The following KLHL22 variants were observed in gnomAD, a reference collection of about 807,000 sequenced individuals.
KLHL22 encodes the protein kelch-like protein 22.
In KLHL22, 18 loss-of-function variants were observed where a neutral mutation model predicts 60.7. The ratio of observed to expected loss-of-function variants is 0.30; its 90% CI spans 0.20 to 0.44. The LOEUF (loss-of-function observed/expected upper bound fraction) is 0.44, where lower values mean the gene tolerates loss of function less well. KLHL22 is among the 20% of genes least tolerant of loss of function. KLHL22 has a pLI of 1.00. For missense variants in KLHL22, 596 were observed against 852.3 expected (o/e 0.70, Z 3.74); for synonymous variants, 355 against 354.5 (o/e 1.00, Z -0.01).
At chr22:20,494,337 C>CA (rs1295140207) in intron 1 of KLHL22, among the ~76,000 whole-genome samples, 2 of 152,156 alleles carry the variant, frequency 1.3e-5, no homozygotes, top group East Asian at 3.8e-4. Context: ...TCAGCTTCCT[C>CA]AGAAGCTGGA....
intron 2 of KLHL22, 156 bp downstream of exon 2, chr22:20,488,829 T>A: frequency 1.5e-6 from 1 of 669,118 alleles, no homozygotes; most frequent in Non-Finnish European, 2.5e-6. Flanking sequence ...AAGACCCCCT[T>A]CTGTCTCTCA....
rs11463939 is a variant in KLHL22, at chr22:20,447,544, CT to C, written c.1306-869del. On this transcript the variant is annotated intron_variant, in intron 5 of 6. Transcript: ENST00000328879. ...CCAGTAGGGGTCTGGGGAGGTTTTT[CT>C]TTTTTTTTTTTTTTTTGAGACGGAG... Among the ~76,000 whole-genome samples the C allele has an allele frequency of 1.8e-3, 246 of 135,430 alleles. 2 individuals carry two copies. The East Asian group carries it at 0.022, about 12-fold the overall frequency. The allele number at this position is 135,430 out of a possible 152,430, so 88.8% of individuals were successfully genotyped here. A position where few individuals can be genotyped will look rare whatever the true frequency, so the allele number is the denominator to read the frequency against.
chr22:20,457,790 C>T lies in KLHL22; in HGVS notation c.1305+18G>A, dbSNP rs750750761. The T allele has an allele frequency of 4.5e-6, 7 of 1,567,428 alleles. No individual in the cohort carries two copies. The South Asian group carries it at 4.6e-5, about 10-fold the overall frequency. ...GGAAATTAGGCAGGAGAAGGCCCCTCTTCGAGGGCTTCCTTACCTCCCTCT... is the reference window on the plus strand; with the variant it reads ...GGAAATTAGGCAGGAGAAGGCCCCTTTTCGAGGGCTTCCTTACCTCCCTCT... On this transcript the variant is annotated intron_variant, in intron 5 of 6. Coordinates refer to ENST00000328879, the MANE Select transcript of KLHL22 (RefSeq NM_032775.4).
At chr22:20,490,709 G>A (rs569817323) in intron 1 of KLHL22, among the ~76,000 whole-genome samples, 29 of 152,232 alleles carry the variant, frequency 1.9e-4, no homozygotes, top group African/African-American at 6.3e-4. Flanking sequence ...ATTCTCTTTC[G>A]GAGCACACAA....
intron 2 of KLHL22, among the ~76,000 whole-genome samples, chr22:20,485,844 G>A (rs937882574): frequency 8.6e-5 from 13 of 151,008 alleles, no homozygotes; most frequent in African/African-American, 2.7e-4. Context: ...CTTCAGCCTG[G>A]GGGACAGGGC....
intron 5 of KLHL22, chr22:20,450,767 G>C: frequency 1.5e-6 from 2 of 1,329,476 alleles, no homozygotes; most frequent in East Asian, 2.3e-5. Flanking sequence ...TCCTTGCCCA[G>C]CCTGCTACAG....
intron 1 of KLHL22, among the ~76,000 whole-genome samples, chr22:20,490,949 G>A (rs2053677779): frequency 6.6e-6 from 1 of 152,138 alleles, no homozygotes; most frequent in South Asian, 2.1e-4. Flanking sequence ...TGGAGACAGT[G>A]TCTGATCCCA....
At chr22:20,487,463 C>A (rs556170787) in intron 2 of KLHL22, among the ~76,000 whole-genome samples, 1 of 152,020 alleles carries the variant, frequency 6.6e-6, no homozygotes, top group Non-Finnish European at 1.5e-5. Flanking sequence ...CTCAAGTGAT[C>A]CACCTGCCTT....
chr22:20,494,075 C>CG (rs896324326), intron 1 of KLHL22, among the ~76,000 whole-genome samples: 208 of 6,570 alleles, frequency 0.032, 8 homozygotes, highest in Non-Finnish European at 0.014. Context: ...CCAGACTTTG[C>CG]CCCCCCCCCA....
chr22:20,488,075 T>C (rs1771144), intron 2 of KLHL22, among the ~76,000 whole-genome samples: 113,391 of 152,066 alleles, frequency 0.75, 43,457 homozygotes, highest in Middle Eastern at 0.83. Context: ...AAAACTCCTT[T>C]TGGAGACAGA....
In KLHL22 at chr22:20,495,458, G is replaced by C. The variant is rs554510520; in HGVS notation, c.-34+302C>G. Among the ~76,000 whole-genome samples, 2,193 of 152,104 alleles carry C rather than the reference G, an allele frequency of 0.014. 42 individuals carry two copies. Among genetic ancestry groups the C allele is most frequent in the Middle Eastern group, 0.055 (16 of 292 alleles). On this transcript the variant is annotated intron_variant, in intron 1 of 6. Transcript: ENST00000328879. This position sits in a 1 kb window ranked among gnomAD's most constrained non-coding sequence, Gnocchi z 4.6. ...CTGCCGCAGGCAACAGGGCCCGCCCGGGTGCCAGGAGGCCGGCGCGCCAGC... is the reference window on the plus strand; with the variant it reads ...CTGCCGCAGGCAACAGGGCCCGCCCCGGTGCCAGGAGGCCGGCGCGCCAGC...
intron 6 of KLHL22, among the ~76,000 whole-genome samples, chr22:20,445,348 C>T (rs1457958222): frequency 1.3e-5 from 2 of 151,658 alleles, no homozygotes; most frequent in Non-Finnish European, 2.9e-5. Context: ...ACTGGGATTA[C>T]AGGCGCCCAT....
chr22:20,453,816 C>T (rs2053018605), intron 5 of KLHL22, among the ~76,000 whole-genome samples: 1 of 152,080 alleles, frequency 6.6e-6, no homozygotes, highest in South Asian at 2.1e-4. Context: ...CTCATTGCAA[C>T]CTCTGCCTCC....
Position 20,458,007 on chromosome 22 carries a change from C to T in KLHL22, c.1113-7G>A. Reference sequence around the variant, plus strand: ...GTTGTGCCGTGGGTCATACCTGTGCCGAGACATGAGGAAAGCACAGCACTG... The same window carrying T: ...GTTGTGCCGTGGGTCATACCTGTGCTGAGACATGAGGAAAGCACAGCACTG... On this transcript the variant is annotated splice_region_variant and splice_polypyrimidine_tract_variant and intron_variant, in intron 4 of 6. Transcript: ENST00000328879. 1.9e-6 allele frequency: 3 copies of T among 1,613,726 alleles called. No individual in the cohort carries two copies. Among genetic ancestry groups the T allele is most frequent in the Non-Finnish European group, 2.5e-6 (3 of 1,179,824 alleles).
At chr22:20,464,832 AGG>A in intron 4 of KLHL22, 24 bp downstream of exon 4, 1 of 1,403,822 alleles carries the variant, frequency 7.1e-7, no homozygotes, top group Non-Finnish European at 9.7e-7. Context: ...CTGAAGACAA[AGG>A]GACCAGCTAG....
chr22:20,480,956 C>G (rs7288014), intron 2 of KLHL22, among the ~76,000 whole-genome samples: 43,198 of 151,100 alleles, frequency 0.29, 6,660 homozygotes, highest in African/African-American at 0.37. Flanking sequence ...CTCAACCTCC[C>G]GAGTAGCTGG....
At chr22:20,460,764 T>A (rs1173277838) in intron 4 of KLHL22, among the ~76,000 whole-genome samples, 2 of 152,204 alleles carry the variant, frequency 1.3e-5, no homozygotes, top group Admixed American at 1.3e-4. Context: ...AATTTTCTAC[T>A]TTATGAGAAT....
chr22:20,451,269 T>C, intron 5 of KLHL22: 1 of 1,605,604 alleles, frequency 6.2e-7, no homozygotes, highest in Admixed American at 1.7e-5. Flanking sequence ...TCTATGTCTC[T>C]GGAGGCTTTG....
intron 5 of KLHL22, among the ~76,000 whole-genome samples, chr22:20,455,361 C>T (rs1335272627): frequency 2.0e-5 from 3 of 152,352 alleles, no homozygotes; most frequent in African/African-American, 4.8e-5. Context: ...GCCTCGCTTG[C>T]TCTGCTCTTG....
Sources: gnomAD v4.1 joint callset for allele counts (sites outside exome capture counted in the v4.1 genomes callset) on GRCh38, gnomAD v4.1.1 for gene constraint, Gnocchi (gnomAD v3.1) non-coding constraint, MANE v1.5 for transcripts, NCBI Gene and HGNC (gene_info 2026-07-23, HGNC 2026-07-21) for gene names.